OTOG: variants seen among roughly 807,000 people sequenced by gnomAD.
OTOG encodes otogelin.
Under a neutral mutation model 313.8 loss-of-function variants are expected in OTOG, and 296 were observed. That is an observed-to-expected ratio of 0.94 (90% confidence interval 0.86 to 1.04). The LOEUF is 1.04. OTOG is among the 50% of genes least tolerant of loss of function. The probability of loss-of-function intolerance (pLI) is 0.00; values close to 1 mark genes in which losing one functional copy is unlikely to be tolerated. For synonymous variants in OTOG, 1,533 were observed against 1,554.9 expected (o/e 0.99, Z 0.33); for missense variants, 3,948 against 3,840.1 (o/e 1.03, Z -0.74).
rs560697197 is a variant in OTOG at position 17,643,473 on chromosome 11, G to A, written c.8428G>A (p.Val2810Met). The change falls in exon 54 of 56, where the codon GTG becomes ATG. Residue 2810 changes from valine to methionine, a missense_variant. By Grantham distance (21) the Val-to-Met change is conservative. Transcript: ENST00000399397. ...ETECAKVGGSVVPSLEGCCRT... is the reference protein window; with the variant it reads ...ETECAKVGGSMVPSLEGCCRT... ...TTCCTCTCTCTAGGTTGGGGGTTCC[G>A]TGGTACCTTCCTTGGAAGGATGCTG... is the stretch of plus-strand genomic sequence containing the variant. The A allele has an allele frequency of 2.8e-4, 405 of 1,460,088 alleles. No homozygotes were observed. The highest frequency in any genetic ancestry group is 3.3e-4 in the Non-Finnish European group (364 of 1,099,802). The allele number at this position is 1,460,088 out of a possible 1,614,324, so 90.4% of individuals were successfully genotyped here. A position where few individuals can be genotyped will look rare whatever the true frequency, so the allele number is the denominator to read the frequency against.
chr11:17,590,478 C>T (rs1175559781), intron 24 of OTOG, among the ~76,000 whole-genome samples: 2 of 152,244 alleles, frequency 1.3e-5, no homozygotes, highest in Non-Finnish European at 2.9e-5. Context: ...TGTTACCCTG[C>T]TCCAGGCTGC....
At chr11:17,548,235 G>C (rs1012281252) in intron 3 of OTOG, 23 bp downstream of exon 3, 9 of 1,529,974 alleles carry the variant, frequency 5.9e-6, no homozygotes, top group Non-Finnish European at 7.9e-6. Context: ...TTGGGAGGGG[G>C]CTTCATTGAG....
intron 23 of OTOG, among the ~76,000 whole-genome samples, chr11:17,579,089 G>A (rs1026420319): frequency 6.6e-6 from 1 of 152,222 alleles, no homozygotes; most frequent in Non-Finnish European, 1.5e-5. Flanking sequence ...TGTGGGCTCT[G>A]TACACCGACG....
rs1275470807 is a variant in OTOG, at chr11:17,608,349, T to G, written c.4210T>G (p.Cys1404Gly). The G allele has an allele frequency of 6.5e-7, 1 of 1,547,466 alleles. No individual in the cohort carries two copies. ...YPICEWRYDA[C>G]ASPCFQTCRD... is the part of the protein sequence containing the mutation. Reference sequence around the variant, plus strand: ...CATCTGCGAGTGGCGCTACGATGCCTGTGCCAGCCCCTGCTTCCAAACCTG... The same window carrying G: ...CATCTGCGAGTGGCGCTACGATGCCGGTGCCAGCCCCTGCTTCCAAACCTG... The change falls in exon 34 of 56, where the codon TGT (cysteine) becomes GGT (glycine). Residue 1404 changes from cysteine to glycine, a missense_variant. Physicochemically the swap from Cys to Gly is radical, Grantham distance 159. Coordinates refer to ENST00000399397, the MANE Select transcript of OTOG (RefSeq NM_001292063.2).
chr11:17,574,665 A>G, intron 19 of OTOG, 55 bp from the exon 20 acceptor site: 1 of 1,491,318 alleles, frequency 6.7e-7, no homozygotes, highest in Non-Finnish European at 9.1e-7. Context: ...GCCCCACTCC[A>G]CATAACTGTG....
intron 27 of OTOG, 25 bp downstream of exon 27, chr11:17,593,781 T>G (rs1853016296): frequency 1.3e-6 from 2 of 1,544,052 alleles, no homozygotes; most frequent in South Asian, 2.4e-5. Flanking sequence ...AGTGACATTC[T>G]GCTCCTGCCT....
chr11:17,588,379 C>A (rs778607072), intron 24 of OTOG, among the ~76,000 whole-genome samples: 1 of 152,162 alleles, frequency 6.6e-6, no homozygotes, highest in African/African-American at 2.4e-5. Flanking sequence ...CAGGATGGAG[C>A]CTGGCTACCC....
At position 17,553,075 on chromosome 11, in the gene OTOG, C is replaced by T. The variant is rs551815730; in HGVS notation, c.293-44C>T. On this transcript the variant is annotated intron_variant, in intron 4 of 55. Coordinates refer to ENST00000399397, the MANE Select transcript of OTOG (RefSeq NM_001292063.2). ...AGAGGGCTGCCTCCCTGGGTTCTGC[C>T]AATCTCAGCTTGATGGGGCAATGAC... 148 of 1,538,496 alleles carry T rather than the reference C, an allele frequency of 9.6e-5. No homozygotes were observed. In the South Asian group the frequency reaches 1.5e-3, roughly 15 times the overall value.
rs745691763 is a variant in OTOG at position 17,558,319 on chromosome 11, T to C, written c.996+4T>C. ...GCAGAACCCAGGAACCATGCAGGTC[T>C]GGAGCTTGGGGAGAAACTCCCCTAC... On this transcript the variant is annotated splice_donor_region_variant and intron_variant, in intron 9 of 55. Transcript: ENST00000399397. The C allele has an allele frequency of 9.0e-6, 14 of 1,550,562 alleles. No homozygotes were observed. The African/African-American group carries it at 1.4e-4, about 15-fold the overall frequency.
At chr11:17,561,223 C>A in intron 14 of OTOG, 86 bp downstream of exon 14, 1 of 1,455,102 alleles carries the variant, frequency 6.9e-7, no homozygotes, top group Non-Finnish European at 9.4e-7. Context: ...GCCAGGCTTG[C>A]TGCGGGTGGG....
chr11:17,611,071 ATGGTTC>A lies in OTOG; in HGVS notation c.5774_5779del (p.Gly1925_Ser1926del), dbSNP rs1300850110. 4 of 1,550,418 alleles carry A rather than the reference ATGGTTC, an allele frequency of 2.6e-6. No homozygotes were observed. Among genetic ancestry groups the A allele is most frequent in the Non-Finnish European group, 3.5e-6 (4 of 1,146,962 alleles). On this transcript the variant is annotated inframe_deletion, in exon 36 of 56. Transcript: ENST00000399397. The stretch of plus-strand genomic sequence containing the variant: ...CAAGTGTCTCTGCCCACTTCCATGT[ATGGTTC>A]TGCAGAGGGTGGGCCCACAGAGCTC...
chr11:17,633,680 C>T lies in OTOG; in HGVS notation c.7073C>T (p.Pro2358Leu). The change falls in exon 43 of 56, where the codon CCC (proline) becomes CTC (leucine). Residue 2358 changes from proline to leucine, a missense_variant and splice_region_variant. Coordinates refer to ENST00000399397, the MANE Select transcript of OTOG (RefSeq NM_001292063.2). ...CIEWRRSDYC[P>L]FLCSSDSTYQ... ...CCTGGTGCCCACTGTGCCCCTGCAG[C>T]CTTCCTGTGCTCCAGCGACTCCACA... 1.3e-6 allele frequency: 2 copies of T among 1,527,372 alleles called. No individual in the cohort carries two copies. Among genetic ancestry groups the T allele is most frequent in the Non-Finnish European group, 1.8e-6 (2 of 1,134,728 alleles). The allele number at this position is 1,527,372 out of a possible 1,614,324, so 94.6% of individuals were successfully genotyped here.
At position 17,558,633 on chromosome 11, in the gene OTOG, T is replaced by C. The variant is rs968104956; in HGVS notation, c.1092T>C (p.Ser364=). The C allele has an allele frequency of 7.1e-6, 11 of 1,549,838 alleles. No individual in the cohort carries two copies. Among genetic ancestry groups the C allele is most frequent in the Admixed American group, 5.9e-5 (3 of 50,986 alleles). ...TGCCCTTCACAGCCAGTTGTACCAG[T>C]GATCTCTGCCAGTGAGTAGGGGTGG... is the stretch of plus-strand genomic sequence containing the variant. ...SPLPFTASCT[S]DLCQSMGDVA... Residue 364 remains serine, a synonymous_variant, in exon 10 of 56, where the codon AGT becomes AGC. Coordinates refer to ENST00000399397, the MANE Select transcript of OTOG (RefSeq NM_001292063.2).
intron 17 of OTOG, among the ~76,000 whole-genome samples, chr11:17,571,487 C>T (rs1047328647): frequency 3.9e-5 from 6 of 152,204 alleles, no homozygotes; most frequent in African/African-American, 1.4e-4. Context: ...ACATGCTCAT[C>T]CCCCTTCCTC....
Position 17,606,101 on chromosome 11 carries a change from G to A in OTOG, c.4122G>A (p.Glu1374=). Residue 1374 remains glutamate (E), a synonymous_variant, in exon 33 of 56, where the codon GAG becomes GAA. Transcript: ENST00000399397. ...VLALRLYEHT[E]VFRRGTLFRL... Reference sequence around the variant, plus strand: ...CCCTGCGGCTGTACGAACACACAGAGGTGTTCCGCCGGGGCACACTCTTCC... The same window carrying A: ...CCCTGCGGCTGTACGAACACACAGAAGTGTTCCGCCGGGGCACACTCTTCC... 6.5e-7 allele frequency: 1 copy of A among 1,546,764 alleles called. No homozygotes were observed. Among genetic ancestry groups the A allele is most frequent in the Non-Finnish European group, 8.7e-7 (1 of 1,144,772 alleles).
intron 4 of OTOG, among the ~76,000 whole-genome samples, chr11:17,552,617 T>TCC (rs1851968195): frequency 9.3e-5 from 14 of 151,160 alleles, no homozygotes; most frequent in Admixed American, 2.6e-4. Flanking sequence ...ACCTGTCCTC[T>TCC]CACATCATGG....
At chr11:17,604,977 G>C (rs977444337) in intron 32 of OTOG, among the ~76,000 whole-genome samples, 1 of 152,256 alleles carries the variant, frequency 6.6e-6, no homozygotes, top group Non-Finnish European at 1.5e-5. Flanking sequence ...TGGGGACACA[G>C]GGGACACATG....
chr11:17,548,092 C>G, intron 2 of OTOG, 60 bp from the exon 3 acceptor site: 1 of 1,503,238 alleles, frequency 6.7e-7, no homozygotes, highest in Non-Finnish European at 8.9e-7. Flanking sequence ...GGCCAGGGGA[C>G]TGCGGGGAGG....
chr11:17,629,082 G>A (rs1590053604), intron 39 of OTOG, 51 bp from the exon 40 acceptor site: 19 of 1,478,264 alleles, frequency 1.3e-5, no homozygotes, highest in South Asian at 2.6e-5. Context: ...ATGGATGGAT[G>A]GATGAATGAA....
Sources: gnomAD v4.1 joint callset for allele counts (sites outside exome capture counted in the v4.1 genomes callset) on GRCh38, gnomAD v4.1.1 for gene constraint, MANE v1.5 for transcripts, NCBI Gene and HGNC (gene_info 2026-07-23, HGNC 2026-07-21) for gene names.